The following ABCC1 variants were observed in gnomAD, a reference collection of about 807,000 sequenced individuals.
ABCC1 encodes the protein ATP binding cassette subfamily C member 1 (ABCC1 blood group).
A neutral mutation model predicts 172.9 loss-of-function variants in ABCC1; 83 were observed. The ratio of observed to expected loss-of-function variants is 0.48; its 90% CI spans 0.40 to 0.58. The LOEUF is 0.58. Among genes scored for constraint, ABCC1 ranks in the 20% least tolerant of loss-of-function variants. The probability of loss-of-function intolerance (pLI) is 0.00; values close to 1 mark genes in which losing one functional copy is unlikely to be tolerated. For synonymous variants in ABCC1, 937 were observed against 825.2 expected, an observed-to-expected ratio of 1.14 and a Z score of -2.32; for missense variants, 1,817 against 2,002.7, an observed-to-expected ratio of 0.91 and a Z score of 1.77.
intron 13 of ABCC1, among the ~76,000 whole-genome samples, chr16:16,069,370 G>GT (rs922437115): frequency 1.3e-4 from 20 of 148,976 alleles, no homozygotes; most frequent in Admixed American, 6.0e-4. Context: ...GTAAGACCCT[G>GT]TTTTTTTTTG....
chr16:16,138,718 T>C (rs967411207), intron 30 of ABCC1, among the ~76,000 whole-genome samples, 160 bp downstream of exon 30: 15 of 146,906 alleles, frequency 1.0e-4, no homozygotes, highest in Admixed American at 2.7e-4. Flanking sequence ...CTATTTCTTT[T>C]TTTTTTTTTT....
chr16:16,109,890 A>C (rs1325344557), intron 21 of ABCC1, among the ~76,000 whole-genome samples: 1 of 152,090 alleles, frequency 6.6e-6, no homozygotes, highest in African/African-American at 2.4e-5. Flanking sequence ...TCTTGGCTAA[A>C]AGTTGGAATC....
chr16:15,985,214 C>T (rs973218856), intron 1 of ABCC1, among the ~76,000 whole-genome samples: 2 of 152,180 alleles, frequency 1.3e-5, no homozygotes, highest in African/African-American at 4.8e-5. Flanking sequence ...TAAGCAGCTC[C>T]ACTGTGGATG....
intron 12 of ABCC1, 69 bp downstream of exon 12, chr16:16,056,364 T>C (rs1314642062): frequency 6.5e-7 from 1 of 1,548,548 alleles, no homozygotes; most frequent in East Asian, 2.3e-5. Flanking sequence ...ACCTGAATAT[T>C]TTTAAAAGGT....
intron 1 of ABCC1, among the ~76,000 whole-genome samples, chr16:15,982,044 A>G (rs2046632301): frequency 6.6e-6 from 1 of 152,098 alleles, no homozygotes; most frequent in South Asian, 2.1e-4. Flanking sequence ...ATCTGAGACC[A>G]CCTCAGCCTG....
intron 26 of ABCC1, 114 bp downstream of exon 26, chr16:16,126,025 A>G: frequency 1.5e-6 from 1 of 657,672 alleles, no homozygotes; most frequent in East Asian, 2.8e-5. Flanking sequence ...CTCACCAGGT[A>G]GAAGTGCATC....
At chr16:15,999,102 GCC>G in intron 1 of ABCC1, among the ~76,000 whole-genome samples, 2 of 152,092 alleles carry the variant, frequency 1.3e-5, no homozygotes, top group Admixed American at 1.3e-4. Context: ...CTGGGTTCAT[GCC>G]ATTCTCCTGC....
intron 5 of ABCC1, among the ~76,000 whole-genome samples, chr16:16,023,754 C>T (rs1424565948): frequency 6.6e-6 from 1 of 152,054 alleles, no homozygotes; most frequent in East Asian, 1.9e-4. Flanking sequence ...CCTGGGGCTC[C>T]AGGGCTAGCA....
chr16:15,976,490 A>C (rs1488772159), intron 1 of ABCC1, among the ~76,000 whole-genome samples: 1 of 152,118 alleles, frequency 6.6e-6, no homozygotes, highest in African/African-American at 2.4e-5. Context: ...ACTAGACTGA[A>C]ACCCAGGCAG....
At chr16:16,045,029 C>T (rs2049145027) in intron 8 of ABCC1, among the ~76,000 whole-genome samples, 1 of 152,046 alleles carries the variant, frequency 6.6e-6, no homozygotes, top group Admixed American at 6.6e-5. Flanking sequence ...CACTAGGCTC[C>T]CCTAAAACCC....
intron 23 of ABCC1, among the ~76,000 whole-genome samples, chr16:16,121,297 C>T (rs1008754081): frequency 2.6e-5 from 4 of 152,216 alleles, no homozygotes; most frequent in African/African-American, 9.6e-5. Flanking sequence ...CCGCCTCTGC[C>T]TCCTGAAGTG....
At position 16,096,151 on chromosome 16, in the gene ABCC1, TC is replaced by T. The variant is rs773010440; in HGVS notation, c.2644+5565del. Reference sequence around the variant, plus strand: ...GGCTGAGGCAGGAGAATAGCGTGAATCCGGGGGGCAGAGCTTGCAGTGAGCC... The same window carrying T: ...GGCTGAGGCAGGAGAATAGCGTGAATCGGGGGGCAGAGCTTGCAGTGAGCC... On this transcript the variant is annotated intron_variant, in intron 19 of 30. Transcript: ENST00000399410. Among the ~76,000 whole-genome samples, 7 of 151,356 alleles carry T rather than the reference TC, an allele frequency of 4.6e-5. No individual in the cohort carries two copies. The East Asian group carries it at 1.4e-3, about 30-fold the overall frequency.
intron 1 of ABCC1, among the ~76,000 whole-genome samples, chr16:16,004,154 G>A (rs1039660746): frequency 6.6e-6 from 1 of 152,044 alleles, no homozygotes; most frequent in African/African-American, 2.4e-5. Flanking sequence ...ACTGACTGTG[G>A]TGGGGAGCAC....
intron 1 of ABCC1, among the ~76,000 whole-genome samples, chr16:15,970,857 A>C (rs975424705): frequency 9.2e-5 from 14 of 152,168 alleles, no homozygotes; most frequent in Non-Finnish European, 2.1e-4. Context: ...GGCCTCCGAA[A>C]GTGTTGGGAT....
chr16:16,007,527 A>G (rs2047590005), intron 1 of ABCC1, among the ~76,000 whole-genome samples: 1 of 152,120 alleles, frequency 6.6e-6, no homozygotes, highest in African/African-American at 2.4e-5. Flanking sequence ...CCTGACCTGT[A>G]TGCTCCTGTT....
At chr16:16,134,980 C>G (rs2045863920) in intron 28 of ABCC1, among the ~76,000 whole-genome samples, 1 of 152,114 alleles carries the variant, frequency 6.6e-6, no homozygotes, top group Non-Finnish European at 1.5e-5. Context: ...GCTGCTGCTT[C>G]CCTGAATTTC....
Position 16,086,866 on chromosome 16 carries a change from G to T in ABCC1, c.2335G>T (p.Ala779Ser). Residue 779 changes from alanine to serine, a missense_variant, in exon 18 of 31, where the codon GCC becomes TCC. This residue lies in a region of ABCC1 where 1,412 missense variants were observed against 1,600.3 expected (regional missense o/e 0.88). Transcript: ENST00000399410. Reference protein sequence around the residue: ...SGGQKQRVSLARAVYSNADIY... With the variant: ...SGGQKQRVSLSRAVYSNADIY... ...GGGCCAGAAGCAGCGCGTGAGCCTG[G>T]CCCGGGCCGTGTACTCCAACGCTGA... 6.2e-7 allele frequency: 1 copy of T among 1,614,170 alleles called. No individual in the cohort carries two copies. The highest frequency in any genetic ancestry group is 8.5e-7 in the Non-Finnish European group (1 of 1,180,050).
intron 1 of ABCC1, among the ~76,000 whole-genome samples, chr16:15,965,963 A>G (rs2046233274): frequency 2.6e-5 from 4 of 152,132 alleles, no homozygotes; most frequent in South Asian, 2.1e-4. Flanking sequence ...ATTTCCTTAG[A>G]TGATGTTCTC....
At chr16:15,959,552 C>T (rs541844020) in intron 1 of ABCC1, among the ~76,000 whole-genome samples, 10 of 152,270 alleles carry the variant, frequency 6.6e-5, no homozygotes, top group African/African-American at 1.9e-4. Context: ...TCTCAAACTC[C>T]TGGGCTCAAG....
Sources: gnomAD v4.1 joint callset for allele counts (sites outside exome capture counted in the v4.1 genomes callset) on GRCh38, gnomAD v4.1.1 for gene constraint, gnomAD v4.1.1 regional missense constraint, MANE v1.5 for transcripts, NCBI Gene and HGNC (gene_info 2026-07-23, HGNC 2026-07-21) for gene names.